The following STK33 variants were observed in gnomAD, a reference collection of about 807,000 sequenced individuals.
STK33 encodes the protein serine/threonine-protein kinase 33.
A neutral mutation model predicts 58.0 loss-of-function variants in STK33; 52 were observed. The ratio of observed to expected loss-of-function variants is 0.90; its 90% CI spans 0.72 to 1.13. The LOEUF is 1.13. Among genes scored for constraint, STK33 ranks in the 50% most tolerant of loss-of-function variants. STK33 has a pLI of 0.00. For synonymous variants in STK33, 215 were observed against 200.1 expected (o/e 1.07, Z -0.63); for missense variants, 630 against 604.2 (o/e 1.04, Z -0.45).
chr11:8,474,537 C>T (rs1949080454), intron 5 of STK33, 144 bp downstream of exon 5: 1 of 585,348 alleles, frequency 1.7e-6, no homozygotes, highest in Admixed American at 3.8e-5. Flanking sequence ...AATTTACTCA[C>T]CTCTTCTGTG....
chr11:8,510,399 T>C (rs193196891), intron 1 of STK33, among the ~76,000 whole-genome samples: 3 of 152,356 alleles, frequency 2.0e-5, no homozygotes, highest in Admixed American at 6.5e-5. Context: ...TTCTGGATAT[T>C]AGTCCTTTGT....
At chr11:8,336,183 T>C in the STK33 span, among the ~76,000 whole-genome samples, 2 of 152,140 alleles carry the variant, frequency 1.3e-5, no homozygotes, top group South Asian at 4.1e-4. Context: ...GGGGCCCCAC[T>C]GGACACAGGG....
At chr11:8,487,256 T>C (rs1950250209) in intron 1 of STK33, among the ~76,000 whole-genome samples, 1 of 151,756 alleles carries the variant, frequency 6.6e-6, no homozygotes, top group African/African-American at 2.4e-5. Context: ...AGACCCCGTC[T>C]CTACAAAAAG....
chr11:8,364,165 C>G, the STK33 span, among the ~76,000 whole-genome samples: 1 of 152,220 alleles, frequency 6.6e-6, no homozygotes, highest in African/African-American at 2.4e-5. Flanking sequence ...TCAATACGTT[C>G]GTCTTCACTA....
At chr11:8,412,654 C>T (rs1378457861) in intron 15 of STK33, among the ~76,000 whole-genome samples, 1 of 152,190 alleles carries the variant, frequency 6.6e-6, no homozygotes, top group Non-Finnish European at 1.5e-5. Flanking sequence ...ACCAGTGACT[C>T]CTCACGAGAA....
chr11:8,391,907 AC>A lies in STK33; in HGVS notation c.*602del, dbSNP rs1303330566. ...TCTGTTTTTTATTGATTTAATCAAT[AC>A]ATTGGGAATTTAGCAGCAAGTTAAT... On this transcript the variant is annotated 3_prime_UTR_variant, in exon 16 of 16. Coordinates refer to ENST00000687296, the MANE Select transcript of STK33 (RefSeq NM_001352389.2). The A allele has an allele frequency of 3.3e-5, 5 of 153,792 alleles. No homozygotes were observed. The East Asian group carries it at 7.7e-4, about 24-fold the overall frequency. The allele number at this position is 153,792 out of a possible 1,614,324, so 9.5% of individuals were successfully genotyped here.
At chr11:8,569,537 A>G (rs955874561) in intron 1 of STK33, among the ~76,000 whole-genome samples, 1 of 152,242 alleles carries the variant, frequency 6.6e-6, no homozygotes, top group East Asian at 1.9e-4. Flanking sequence ...GAATGTTTTT[A>G]TGACTTTCAG....
chr11:8,352,285 G>A, the STK33 span, among the ~76,000 whole-genome samples: 1 of 152,176 alleles, frequency 6.6e-6, no homozygotes, highest in African/African-American at 2.4e-5. Flanking sequence ...GAAGACTGAT[G>A]CTACCATGGA....
intron 1 of STK33, among the ~76,000 whole-genome samples, chr11:8,557,157 A>G (rs925130515): frequency 3.4e-5 from 5 of 149,204 alleles, no homozygotes; most frequent in Admixed American, 6.7e-5. Flanking sequence ...AGGCTGAGGT[A>G]GGAGGATCAC....
In STK33 at chr11:8,461,811, C is replaced by A; in HGVS notation, c.552G>T (p.Thr184=). The A allele has an allele frequency of 1.9e-6, 3 of 1,580,100 alleles. No homozygotes were observed. Among genetic ancestry groups the A allele is most frequent in the Admixed American group, 1.9e-5 (1 of 52,804 alleles). ...GCGCCTAATAGAGGTTTACCTTTGG[C>A]GTTTCAAATACTTGTTCCAGATGTA... is the stretch of plus-strand genomic sequence containing the variant. The part of the protein sequence containing the change: ...HIIHLEQVFE[T]PKKMYLVMEL... Residue 184 remains threonine (T), a synonymous_variant, in exon 8 of 16, where the codon ACG becomes ACT. Coordinates refer to ENST00000687296, the MANE Select transcript of STK33 (RefSeq NM_001352389.2).
intron 15 of STK33, among the ~76,000 whole-genome samples, chr11:8,409,257 T>C (rs1224041086): frequency 6.6e-6 from 1 of 152,222 alleles, no homozygotes; most frequent in African/African-American, 2.4e-5. Flanking sequence ...CTTCAAGTAT[T>C]AGACTGAATT....
intron 1 of STK33, among the ~76,000 whole-genome samples, chr11:8,540,448 A>G (rs1955416685): frequency 6.6e-6 from 1 of 152,150 alleles, no homozygotes; most frequent in Admixed American, 6.6e-5. Context: ...ACTGCACTCT[A>G]GCCTGGGTGA....
intron 1 of STK33, among the ~76,000 whole-genome samples, chr11:8,572,638 C>T (rs1371415784): frequency 2.6e-5 from 4 of 151,944 alleles, no homozygotes; most frequent in Non-Finnish European, 5.9e-5. Flanking sequence ...AGGCTGGTCT[C>T]GAACTCCTGG....
At chr11:8,363,635 G>A in the STK33 span, among the ~76,000 whole-genome samples, 10 of 152,312 alleles carry the variant, frequency 6.6e-5, no homozygotes, top group East Asian at 1.7e-3. Context: ...AGCAGCTCTC[G>A]CTTTGCACAG....
At chr11:8,378,084 TA>T in the STK33 span, among the ~76,000 whole-genome samples, 1 of 152,302 alleles carries the variant, frequency 6.6e-6, no homozygotes, top group Non-Finnish European at 1.5e-5. Context: ...GGGTAATTTA[TA>T]AAGGAAAGAG....
the STK33 span, among the ~76,000 whole-genome samples, chr11:8,345,299 A>T: frequency 6.6e-6 from 1 of 152,202 alleles, no homozygotes; most frequent in Non-Finnish European, 1.5e-5. Context: ...TCGTAAAACC[A>T]CTGTGTCTAT....
At chr11:8,356,469 A>T in the STK33 span, among the ~76,000 whole-genome samples, 1 of 151,590 alleles carries the variant, frequency 6.6e-6, no homozygotes, top group Non-Finnish European at 1.5e-5. Flanking sequence ...TTTCCTGCGG[A>T]CAGTGGTGAG....
At chr11:8,506,776 C>T (rs1951894390) in intron 1 of STK33, among the ~76,000 whole-genome samples, 1 of 152,092 alleles carries the variant, frequency 6.6e-6, no homozygotes, top group African/African-American at 2.4e-5. Context: ...TGGCCATTTT[C>T]CCTCTTATAT....
intron 1 of STK33, among the ~76,000 whole-genome samples, chr11:8,551,073 T>C (rs1241488259): frequency 1.3e-5 from 2 of 152,052 alleles, no homozygotes; most frequent in African/African-American, 4.8e-5. Flanking sequence ...AGTCATATTT[T>C]ACATGGATGG....
Sources: gnomAD v4.1 joint callset for allele counts (sites outside exome capture counted in the v4.1 genomes callset) on GRCh38, gnomAD v4.1.1 for gene constraint, MANE v1.5 for transcripts, NCBI Gene and HGNC (gene_info 2026-07-23, HGNC 2026-07-21) for gene names.